The following SLC17A8 variants were observed in gnomAD, a reference collection of about 807,000 sequenced individuals.
SLC17A8 encodes the protein vesicular glutamate transporter 3.
A neutral mutation model predicts 58.0 loss-of-function variants in SLC17A8; 31 were observed. The observed-to-expected ratio is 0.53, with a 90% CI of 0.40 to 0.72. SLC17A8 has a LOEUF of 0.72. Among genes scored for constraint, SLC17A8 ranks in the 30% least tolerant of loss-of-function variants. The probability of loss-of-function intolerance (pLI) is 0.00; values close to 1 mark genes in which losing one functional copy is unlikely to be tolerated. For synonymous variants in SLC17A8, 228 were observed against 249.0 expected (o/e 0.92, Z 0.79); for missense variants, 655 against 727.8 (o/e 0.90, Z 1.15).
intron 9 of SLC17A8, among the ~76,000 whole-genome samples, chr12:100,411,759 G>T (rs1003341351): frequency 6.6e-6 from 1 of 151,188 alleles, no homozygotes; most frequent in Middle Eastern, 3.4e-3. Flanking sequence ...ATTTTTTATT[G>T]TGCTAGACTC....
chr12:100,406,496 T>C (rs1350544737), intron 9 of SLC17A8, among the ~76,000 whole-genome samples: 1 of 152,054 alleles, frequency 6.6e-6, no homozygotes, highest in African/African-American at 2.4e-5. Flanking sequence ...TTGAAGTACA[T>C]TGAGATGCAG....
intron 2 of SLC17A8, among the ~76,000 whole-genome samples, chr12:100,387,928 C>T (rs774154036): frequency 1.3e-5 from 2 of 152,176 alleles, no homozygotes; most frequent in Non-Finnish European, 2.9e-5. Flanking sequence ...CTCAAATTTT[C>T]CAATGGTTTT....
chr12:100,378,561 CTTAT>C, intron 1 of SLC17A8, among the ~76,000 whole-genome samples: 1 of 151,918 alleles, frequency 6.6e-6, no homozygotes, highest in African/African-American at 2.4e-5. Flanking sequence ...GGAATAAAAG[CTTAT>C]TTATAGGCAA....
intron 5 of SLC17A8, among the ~76,000 whole-genome samples, chr12:100,399,585 A>AG (rs1311012412): frequency 4.6e-5 from 7 of 151,932 alleles, no homozygotes; most frequent in South Asian, 2.1e-4. Flanking sequence ...ACATGGTGGC[A>AG]GAAGAGAGAG....
At chr12:100,389,418 C>T (rs1043587141) in intron 2 of SLC17A8, among the ~76,000 whole-genome samples, 1 of 152,126 alleles carries the variant, frequency 6.6e-6, no homozygotes, top group African/African-American at 2.4e-5. Context: ...ACTTAAGACT[C>T]TAATTCTCTT....
At chr12:100,414,754 G>T (rs1299040163) in intron 10 of SLC17A8, among the ~76,000 whole-genome samples, 3 of 152,126 alleles carry the variant, frequency 2.0e-5, no homozygotes, top group African/African-American at 7.2e-5. Flanking sequence ...CAAAATTAAT[G>T]AGTGTTCACC....
chr12:100,420,241 G>A lies in SLC17A8; in HGVS notation c.*82G>A. The A allele has an allele frequency of 8.8e-7, 1 of 1,131,464 alleles. No homozygotes were observed. The highest frequency in any genetic ancestry group is 1.3e-6 in the Non-Finnish European group (1 of 774,226). The allele number at this position is 1,131,464 out of a possible 1,614,324, so 70.1% of individuals were successfully genotyped here. A position where few individuals can be genotyped will look rare whatever the true frequency, so the allele number is the denominator to read the frequency against. ...TATTGCCTTTCTTGTAGCCCAGCTT[G>A]CCAGAGGTCCAAATATTGGGAGGGG... On this transcript the variant is annotated 3_prime_UTR_variant, in exon 12 of 12. Transcript: ENST00000323346.
rs141294063 is a variant in SLC17A8, at chr12:100,419,967, C to T, written c.1578C>T (p.Asp526=). 1.1e-5 allele frequency: 18 copies of T among 1,613,876 alleles called. No individual in the cohort carries two copies. The highest frequency in any genetic ancestry group is 1.0e-4 in the Admixed American group (6 of 59,980). Residue 526 remains aspartate (D), a synonymous_variant, in exon 12 of 12, where the codon GAC becomes GAT. Coordinates refer to ENST00000323346, the MANE Select transcript of SLC17A8 (RefSeq NM_139319.3). ...AGAAATGTGGAATCATTGACCAGGA[C>T]GAATTAGCTGAGGAGATAGAACTCA... ...SEEKCGIIDQ[D]ELAEEIELNH... is the part of the protein sequence containing the mutation.
intron 1 of SLC17A8, among the ~76,000 whole-genome samples, chr12:100,377,458 G>A (rs1952601945): frequency 1.3e-5 from 2 of 151,514 alleles, no homozygotes; most frequent in East Asian, 1.9e-4. Flanking sequence ...TAAGTAATTA[G>A]GCTAAAGTCA....
At chr12:100,358,970 T>C (rs914668629) in intron 1 of SLC17A8, among the ~76,000 whole-genome samples, 1 of 152,010 alleles carries the variant, frequency 6.6e-6, no homozygotes, top group Non-Finnish European at 1.5e-5. Context: ...AGAGAGACCA[T>C]GTCTCTACAG....
At chr12:100,367,751 C>T (rs772938078) in intron 1 of SLC17A8, among the ~76,000 whole-genome samples, 3 of 152,084 alleles carry the variant, frequency 2.0e-5, no homozygotes, top group Non-Finnish European at 4.4e-5. Flanking sequence ...GAAGGTCTCG[C>T]TATGTTGCCT....
chr12:100,412,308 T>C (rs1952874412), intron 9 of SLC17A8, among the ~76,000 whole-genome samples: 1 of 152,098 alleles, frequency 6.6e-6, no homozygotes, highest in African/African-American at 2.4e-5. Flanking sequence ...AATGTAGGTC[T>C]GTGGAGGAAC....
chr12:100,383,382 G>A (rs1371155802), intron 2 of SLC17A8, among the ~76,000 whole-genome samples: 3 of 152,160 alleles, frequency 2.0e-5, no homozygotes, highest in African/African-American at 7.2e-5. Flanking sequence ...TCAGGAGTAG[G>A]AATTTAGTAT....
chr12:100,392,428 AT>A (rs1952723421), intron 3 of SLC17A8, among the ~76,000 whole-genome samples: 2 of 152,176 alleles, frequency 1.3e-5, no homozygotes, highest in Non-Finnish European at 2.9e-5. Flanking sequence ...TATAAAATAT[AT>A]TTTGTTTATG....
chr12:100,365,422 G>T (rs1952513222), intron 1 of SLC17A8, among the ~76,000 whole-genome samples: 1 of 152,140 alleles, frequency 6.6e-6, no homozygotes, highest in Non-Finnish European at 1.5e-5. Context: ...GGAGAATACA[G>T]CCCTAGTGGC....
chr12:100,408,429 T>C (rs114569304), intron 9 of SLC17A8, among the ~76,000 whole-genome samples: 6,677 of 152,290 alleles, frequency 0.044, 231 homozygotes, highest in African/African-American at 0.094. Context: ...TATTTTAATA[T>C]GAAATAAAAT....
chr12:100,400,712 AGG>A (rs139612637), intron 5 of SLC17A8, among the ~76,000 whole-genome samples: 1 of 152,080 alleles, frequency 6.6e-6, no homozygotes, highest in South Asian at 2.1e-4. Flanking sequence ...TTCACAGCCC[AGG>A]GGGAGTTTCA....
chr12:100,391,951 CTCTGTAGT>C (rs1362016684), intron 3 of SLC17A8, among the ~76,000 whole-genome samples: 4 of 152,090 alleles, frequency 2.6e-5, no homozygotes, highest in Non-Finnish European at 5.9e-5. Context: ...GTCCTTGAGA[CTCTGTAGT>C]GGGTGTTTGA....
intron 5 of SLC17A8, among the ~76,000 whole-genome samples, chr12:100,399,887 G>A (rs534291578): frequency 6.6e-6 from 1 of 152,270 alleles, no homozygotes; most frequent in South Asian, 2.1e-4. Context: ...GATTAAATAA[G>A]AGTAAGGGCT....
Sources: allele counts gnomAD v4.1 joint callset (sites outside exome capture counted in the v4.1 genomes callset), GRCh38; gene constraint gnomAD v4.1.1; transcripts MANE v1.5; gene names NCBI Gene and HGNC (gene_info 2026-07-23, HGNC 2026-07-21).